Variants in SRPRA observed in about 807,000 individuals in gnomAD.
SRPRA encodes SRP receptor subunit alpha, also known as signal recognition particle receptor subunit alpha.
Under a neutral mutation model 61.1 loss-of-function variants are expected in SRPRA, and 30 were observed. That is an observed-to-expected ratio of 0.49 (90% confidence interval 0.37 to 0.67). SRPRA has a LOEUF of 0.67. Ranked by LOEUF, SRPRA falls within the 30% of genes least tolerant of loss-of-function variation. The pLI is 0.00. For missense variants in SRPRA, 759 were observed against 828.4 expected (o/e 0.92, Z 1.03); for synonymous variants, 324 against 299.7 (o/e 1.08, Z -0.84).
the SRPRA span, among the ~76,000 whole-genome samples, chr11:126,237,215 CTTTT>C: frequency 7.0e-5 from 3 of 43,112 alleles, no homozygotes; most frequent in Non-Finnish European, 1.2e-4. Context: ...CGCGCCTGGC[CTTTT>C]TTTTTTTTTT....
the SRPRA span, among the ~76,000 whole-genome samples, chr11:126,244,569 C>T: frequency 6.6e-6 from 1 of 152,080 alleles, no homozygotes; most frequent in African/African-American, 2.4e-5. This position sits in a 1 kb window ranked among gnomAD's most constrained non-coding sequence, Gnocchi z 4.5. Context: ...TTTGGGAGGC[C>T]GAGGTGGGCG....
downstream of SRPRA, chr11:126,262,028 A>G: frequency 8.2e-7 from 1 of 1,220,660 alleles, no homozygotes; most frequent in Non-Finnish European, 1.2e-6. Context: ...TTGCCTTCTG[A>G]AGGGTTAGGA....
the SRPRA span, among the ~76,000 whole-genome samples, chr11:126,242,075 A>C: frequency 6.6e-6 from 1 of 151,864 alleles, no homozygotes; most frequent in Admixed American, 6.6e-5. Flanking sequence ...AGTTCATGGA[A>C]TCTCCATACA....
chr11:126,236,632 T>C, the SRPRA span, among the ~76,000 whole-genome samples: 2 of 152,214 alleles, frequency 1.3e-5, no homozygotes, highest in Non-Finnish European at 1.5e-5. Context: ...TTTGGAGAAG[T>C]TGACTTATAT....
At position 126,264,743 on chromosome 11, in the gene SRPRA, G is replaced by A. The variant is rs948369427; in HGVS notation, c.1526-204C>T. On this transcript the variant is annotated intron_variant, in intron 11 of 13. Coordinates refer to ENST00000332118, the MANE Select transcript of SRPRA (RefSeq NM_003139.4). The surrounding 1 kb of genome is among the most constrained non-coding windows in gnomAD (Gnocchi z 5.0). Reference sequence around the variant, plus strand: ...AAAAGGAGGACAACAGGATGAAGGTGACCAAATTCAGGTTTCTCTGGTTAA... The same window carrying A: ...AAAAGGAGGACAACAGGATGAAGGTAACCAAATTCAGGTTTCTCTGGTTAA... 1 of 765,026 alleles carries A rather than the reference G, an allele frequency of 1.3e-6. No individual in the cohort carries two copies. The highest frequency in any genetic ancestry group is 1.8e-5 in the African/African-American group (1 of 56,970). 47.4% of individuals were successfully genotyped at this position (765,026 alleles called of 1,614,324 possible).
At chr11:126,249,985 G>C in the SRPRA span, among the ~76,000 whole-genome samples, 81 of 151,936 alleles carry the variant, frequency 5.3e-4, no homozygotes, top group Non-Finnish European at 9.6e-4. Flanking sequence ...GGAAGCTTAC[G>C]TATAGTAGCA....
chr11:126,244,974 C>G, the SRPRA span: 2 of 152,158 alleles, frequency 1.3e-5, no homozygotes, highest in Admixed American at 6.5e-5. The surrounding 1 kb of genome is among the most constrained non-coding windows in gnomAD (Gnocchi z 4.5). Context: ...AGCATGGTCC[C>G]TATTAGGATC....
At chr11:126,239,736 A>T in the SRPRA span, among the ~76,000 whole-genome samples, 1 of 151,418 alleles carries the variant, frequency 6.6e-6, no homozygotes, top group East Asian at 1.9e-4. Context: ...CTGGTCTTGA[A>T]CTCCTGACCT....
chr11:126,268,693 G>C lies in SRPRA; in HGVS notation c.112C>G (p.Leu38Val). The change falls in exon 1 of 14, where the codon CTG becomes GTG. Residue 38 changes from leucine to valine, a missense_variant. Physicochemically the swap from Leu to Val is conservative, Grantham distance 32 (BLOSUM62 1). Around this residue, in one of 2 missense-constraint regions of SRPRA, gnomAD observed 475 missense variants for 462.5 expected, o/e 1.03. Transcript: ENST00000332118. Reference protein sequence around the residue: ...PVNALIRSVLLQERGGNNSFT... With the variant: ...PVNALIRSVLVQERGGNNSFT... ...TGATCCCACGGGGACGGTACCTGCA[G>C]CAGCACGGAACGAATCAACGCGTTA... 1 of 1,613,288 alleles carries C rather than the reference G, an allele frequency of 6.2e-7. No individual in the cohort carries two copies. The highest frequency in any genetic ancestry group is 1.3e-5 in the African/African-American group (1 of 75,040).
downstream of SRPRA, chr11:126,262,027 G>T: frequency 8.2e-7 from 1 of 1,218,000 alleles, no homozygotes; most frequent in Non-Finnish European, 1.2e-6. Context: ...CTTGCCTTCT[G>T]AAGGGTTAGG....
At chr11:126,240,111 T>C in the SRPRA span, among the ~76,000 whole-genome samples, 1 of 152,176 alleles carries the variant, frequency 6.6e-6, no homozygotes, top group African/African-American at 2.4e-5. Context: ...TTAGCACCCA[T>C]GCTGTCTCAC....
At chr11:126,243,508 T>C in the SRPRA span, among the ~76,000 whole-genome samples, 1 of 151,428 alleles carries the variant, frequency 6.6e-6, no homozygotes, top group Non-Finnish European at 1.5e-5. Context: ...CCAGGATCTC[T>C]TAGGAACATG....
the SRPRA span, among the ~76,000 whole-genome samples, chr11:126,247,776 T>C: frequency 6.6e-6 from 1 of 150,650 alleles, no homozygotes; most frequent in Admixed American, 6.6e-5. Context: ...GGGAATTGCT[T>C]GAACCCAGGA....
the SRPRA span, among the ~76,000 whole-genome samples, chr11:126,251,923 C>G: frequency 1.3e-5 from 2 of 151,966 alleles, no homozygotes; most frequent in Non-Finnish European, 2.9e-5. Context: ...CTCAGGTGAT[C>G]TGCTAACCTC....
Position 126,263,683 on chromosome 11 carries a change from G to A in SRPRA, c.*233C>T. 3.7e-6 allele frequency: 2 copies of A among 540,386 alleles called. No homozygotes were observed. Among genetic ancestry groups the A allele is most frequent in the East Asian group, 6.5e-5 (2 of 30,610 alleles). The allele number at this position is 540,386 out of a possible 1,614,324, so 33.5% of individuals were successfully genotyped here. ...GTGAAGGGGGTGCCTGAGTAGGAAG[G>A]GGGAGGCCCGCTGGGAGAGGGTCAG... On this transcript the variant is annotated 3_prime_UTR_variant, in exon 14 of 14. Coordinates refer to ENST00000332118, the MANE Select transcript of SRPRA (RefSeq NM_003139.4).
chr11:126,250,676 G>A, the SRPRA span: 1 of 1,614,130 alleles, frequency 6.2e-7, no homozygotes, highest in Non-Finnish European at 8.5e-7. This position sits in a 1 kb window ranked among gnomAD's most constrained non-coding sequence, Gnocchi z 5.1. Flanking sequence ...TCTTGGAACT[G>A]TATGCAGCAG....
In SRPRA at chr11:126,263,893, T is replaced by C; in HGVS notation, c.*23A>G. On this transcript the variant is annotated 3_prime_UTR_variant, in exon 14 of 14. Coordinates refer to ENST00000332118, the MANE Select transcript of SRPRA (RefSeq NM_003139.4). ...GAAGGGCTTGTGGGGAAAGCGGCGA[T>C]TTGGTATTGGGCAAGAGCCACGTTA... 6.2e-7 allele frequency: 1 copy of C among 1,611,696 alleles called. No homozygotes were observed. The highest frequency in any genetic ancestry group is 8.5e-7 in the Non-Finnish European group (1 of 1,179,222).
In SRPRA at chr11:126,268,506, CG is replaced by C. The variant is rs1046770141; in HGVS notation, c.117+181del. Among the ~76,000 whole-genome samples, 15 of 145,870 alleles carry C rather than the reference CG, an allele frequency of 1.0e-4. No individual in the cohort carries two copies. The Middle Eastern group carries it at 0.014, about 137-fold the overall frequency. On this transcript the variant is annotated intron_variant, in intron 1 of 13. Coordinates refer to ENST00000332118, the MANE Select transcript of SRPRA (RefSeq NM_003139.4). Reference sequence around the variant, plus strand: ...GAGTTGAGACACCAGAGGCGGGGGCCGTCATTAAGTTGCGGGGTAGTCTGAA... The same window carrying C: ...GAGTTGAGACACCAGAGGCGGGGGCCTCATTAAGTTGCGGGGTAGTCTGAA...
chr11:126,259,186 G>A (rs891119845), downstream of SRPRA, among the ~76,000 whole-genome samples: 1 of 152,150 alleles, frequency 6.6e-6, no homozygotes, highest in Non-Finnish European at 1.5e-5. Context: ...AATGTTTTGA[G>A]TCTCTGTAGA....
Sources: gnomAD v4.1 joint callset for allele counts (sites outside exome capture counted in the v4.1 genomes callset) on GRCh38, gnomAD v4.1.1 for gene constraint, gnomAD v4.1.1 regional missense constraint, Gnocchi (gnomAD v3.1) non-coding constraint, MANE v1.5 for transcripts, NCBI Gene and HGNC (gene_info 2026-07-23, HGNC 2026-07-21) for gene names.